SH3GL1: variants seen among roughly 807,000 people sequenced by gnomAD.
SH3GL1 encodes the protein endophilin-A2.
SH3GL1 carries 21 observed loss-of-function variants against 48.8 expected under a neutral mutation model. That is an observed-to-expected ratio of 0.43 (90% CI 0.30 to 0.62). The LOEUF (loss-of-function observed/expected upper bound fraction) is 0.62, where lower values mean the gene tolerates loss of function less well. Among genes scored for constraint, SH3GL1 ranks in the 20% least tolerant of loss-of-function variants. The probability of loss-of-function intolerance (pLI) is 0.11; values close to 1 mark genes in which losing one functional copy is unlikely to be tolerated. For missense variants in SH3GL1, 454 were observed against 503.0 expected (o/e 0.90, Z 0.93); for synonymous variants, 282 against 217.5 (o/e 1.30, Z -2.61).
chr19:4,390,854 T>C (rs1410349618), intron 1 of SH3GL1, among the ~76,000 whole-genome samples: 1 of 151,542 alleles, frequency 6.6e-6, no homozygotes, highest in Non-Finnish European at 1.5e-5. Context: ...TCCTCTAAGC[T>C]CTGCCCCGGG....
At chr19:4,378,850 T>C (rs1010244530) in intron 1 of SH3GL1, among the ~76,000 whole-genome samples, 4 of 152,166 alleles carry the variant, frequency 2.6e-5, no homozygotes, top group Admixed American at 1.3e-4. Context: ...CGACACTGCC[T>C]CTGAGCCCAG....
intron 1 of SH3GL1, among the ~76,000 whole-genome samples, chr19:4,372,798 C>T (rs752017415): frequency 8.5e-5 from 13 of 152,152 alleles, no homozygotes; most frequent in Non-Finnish European, 1.5e-4. Context: ...CCTTCGTGTC[C>T]CCTTTTCCAT....
chr19:4,365,425 G>A (rs567935134), intron 4 of SH3GL1, 57 bp downstream of exon 4: 10 of 1,607,776 alleles, frequency 6.2e-6, no homozygotes, highest in Admixed American at 5.0e-5. Context: ...TGCCCTGCCT[G>A]TGTTGAGGTG....
At chr19:4,380,808 T>C (rs915852133) in intron 1 of SH3GL1, among the ~76,000 whole-genome samples, 5 of 152,096 alleles carry the variant, frequency 3.3e-5, no homozygotes, top group African/African-American at 1.2e-4. Flanking sequence ...ATCAGTCCAC[T>C]AGCTTTTAAG....
intron 1 of SH3GL1, among the ~76,000 whole-genome samples, chr19:4,368,400 G>C (rs974242967): frequency 6.6e-6 from 1 of 152,196 alleles, no homozygotes; most frequent in Admixed American, 6.5e-5. Context: ...CCAGGCACCT[G>C]GTGTACCCTC....
At position 4,361,994 on chromosome 19, in the gene SH3GL1, GTT is replaced by G. The variant is rs61192422; in HGVS notation, c.911-200_911-199del. On this transcript the variant is annotated intron_variant, in intron 9 of 9. Coordinates refer to ENST00000269886, the MANE Select transcript of SH3GL1 (RefSeq NM_003025.4). The stretch of plus-strand genomic sequence containing the variant: ...CAGGAGGGAGGATGGGAGAAGCTTG[GTT>G]TAAGTGGTCACCAAAGCTACTCCTG... Among the ~76,000 whole-genome samples the G allele has an allele frequency of 0.57, 86,936 of 151,952 alleles. 25,148 individuals carry two copies. Among genetic ancestry groups the G allele is most frequent in the East Asian group, 0.73 (3,754 of 5,148 alleles).
chr19:4,391,886 G>C (rs1402140402), intron 1 of SH3GL1, among the ~76,000 whole-genome samples: 1 of 152,212 alleles, frequency 6.6e-6, no homozygotes, highest in Non-Finnish European at 1.5e-5. Context: ...CTCCAATGCC[G>C]GCTCCAATGC....
At chr19:4,379,071 G>A (rs1009696027) in intron 1 of SH3GL1, among the ~76,000 whole-genome samples, 4 of 152,198 alleles carry the variant, frequency 2.6e-5, no homozygotes, top group Admixed American at 6.5e-5. Context: ...GTCAAGTCCC[G>A]GTTCCAAAAT....
intron 1 of SH3GL1, among the ~76,000 whole-genome samples, chr19:4,370,593 G>A (rs922113843): frequency 1.3e-5 from 2 of 152,194 alleles, no homozygotes; most frequent in Non-Finnish European, 2.9e-5. Context: ...ACCAACCGCA[G>A]GCCCCACAAG....
Position 4,376,092 on chromosome 19 carries a change from C to T in SH3GL1, c.46-9098G>A, listed in dbSNP as rs1451164571. Among the ~76,000 whole-genome samples the T allele has an allele frequency of 6.6e-6, 1 of 152,216 alleles. No homozygotes were observed. The highest frequency in any genetic ancestry group is 1.5e-5 in the Non-Finnish European group (1 of 68,042). ...ACAGCGGTGAGAGGCTGCAGGTGCACAGATCTCAACGAGGGGCCGTGAGTT... is the reference window on the plus strand; with the variant it reads ...ACAGCGGTGAGAGGCTGCAGGTGCATAGATCTCAACGAGGGGCCGTGAGTT... On this transcript the variant is annotated intron_variant, in intron 1 of 9. Transcript: ENST00000269886. This position sits in a 1 kb window ranked among gnomAD's most constrained non-coding sequence, Gnocchi z 4.3.
chr19:4,396,037 C>T (rs998628508), intron 1 of SH3GL1: 14 of 152,162 alleles, frequency 9.2e-5, no homozygotes, highest in Admixed American at 3.9e-4. Context: ...GAAAGACACT[C>T]GAATTTTCCT....
intron 1 of SH3GL1, among the ~76,000 whole-genome samples, chr19:4,396,750 C>T (rs531727206): frequency 1.3e-5 from 2 of 152,234 alleles, no homozygotes; most frequent in South Asian, 2.1e-4. Context: ...GGAGATGCTG[C>T]CCTGGGCACC....
chr19:4,371,544 C>T (rs1291396227), intron 1 of SH3GL1, among the ~76,000 whole-genome samples: 1 of 152,216 alleles, frequency 6.6e-6, no homozygotes, highest in Non-Finnish European at 1.5e-5. Context: ...GATGAATTCA[C>T]AGGGTTTTGT....
rs1458433234 is a variant in SH3GL1, at chr19:4,364,198, C to T, written c.355G>A (p.Glu119Lys). 3.1e-6 allele frequency: 5 copies of T among 1,613,834 alleles called. No individual in the cohort carries two copies. Among genetic ancestry groups the T allele is most frequent in the Non-Finnish European group, 4.2e-6 (5 of 1,180,024 alleles). ...ACCTCTGCCAGGCGCTTCATGGACTCGCCGGCATCCAGCAATGCGTCACCT... is the reference window on the plus strand; with the variant it reads ...ACCTCTGCCAGGCGCTTCATGGACTTGCCGGCATCCAGCAATGCGTCACCT... Reference protein sequence around the residue: ...NFGDALLDAGESMKRLAEVKD... With the variant: ...NFGDALLDAGKSMKRLAEVKD... Residue 119 changes from glutamate to lysine, a missense_variant, in exon 5 of 10, where the codon GAG (glutamate) becomes AAG (lysine). By Grantham distance (56) the Glu-to-Lys change is moderately conservative (BLOSUM62 1). Coordinates refer to ENST00000269886, the MANE Select transcript of SH3GL1 (RefSeq NM_003025.4).
In SH3GL1 at chr19:4,400,239, CCCCTCCCGGGCCAGGTCGGGCCTGGCT is replaced by C. The variant is rs2144938134; in HGVS notation, c.45+58_45+84del. ...ACGTCCCCACCTCGGTCCCCCCGGC[CCCCTCCCGGGCCAGGTCGGGCCTGGCT>C]CCCTCATCCGGGCAGCCCGGGGCCC... On this transcript the variant is annotated intron_variant, in intron 1 of 9. Transcript: ENST00000269886. The surrounding 1 kb of genome is among the most constrained non-coding windows in gnomAD (Gnocchi z 4.1). 1.4e-6 allele frequency: 2 copies of C among 1,452,166 alleles called. No homozygotes were observed. Among genetic ancestry groups the C allele is most frequent in the East Asian group, 5.3e-5 (2 of 37,492 alleles). The allele number at this position is 1,452,166 out of a possible 1,614,324, so 90.0% of individuals were successfully genotyped here.
chr19:4,361,514 G>T lies in SH3GL1; in HGVS notation c.*86C>A. On this transcript the variant is annotated 3_prime_UTR_variant, in exon 10 of 10. Transcript: ENST00000269886. ...GCCGGCAGGCTCAGACACCGCCCTG[G>T]CAGCAGGGGCTCCGTGGAATGCAGG... 9.2e-7 allele frequency: 1 copy of T among 1,083,176 alleles called. No individual in the cohort carries two copies. Among genetic ancestry groups the T allele is most frequent in the Non-Finnish European group, 1.3e-6 (1 of 749,406 alleles). 67.1% of individuals were successfully genotyped at this position (1,083,176 alleles called of 1,614,324 possible).
intron 4 of SH3GL1, 129 bp from the exon 5 acceptor site, chr19:4,364,350 C>T (rs1467116741): frequency 2.6e-5 from 32 of 1,236,234 alleles, no homozygotes; most frequent in Non-Finnish European, 3.5e-5. Flanking sequence ...CAGCTCACTG[C>T]AGGCCTCAAA....
At chr19:4,371,746 G>T (rs950047906) in intron 1 of SH3GL1, among the ~76,000 whole-genome samples, 2 of 152,172 alleles carry the variant, frequency 1.3e-5, no homozygotes, top group African/African-American at 4.8e-5. Context: ...GTCCTCCCTC[G>T]GCTGGGGAGC....
intron 1 of SH3GL1, among the ~76,000 whole-genome samples, chr19:4,370,375 C>T (rs769537291): frequency 1.3e-5 from 2 of 152,236 alleles, no homozygotes; most frequent in Non-Finnish European, 2.9e-5. Flanking sequence ...CCACAAGGCT[C>T]GCCTCCTGTT....
Sources: allele counts gnomAD v4.1 joint callset (sites outside exome capture counted in the v4.1 genomes callset), GRCh38; gene constraint gnomAD v4.1.1; non-coding constraint Gnocchi (gnomAD v3.1); transcripts MANE v1.5; gene names NCBI Gene and HGNC (gene_info 2026-07-23, HGNC 2026-07-21).